Variants in ZNF529 observed in about 807,000 individuals in gnomAD.
ZNF529 encodes the protein zinc finger protein 529.
ZNF529 carries 11 observed loss-of-function variants against 10.1 expected under a neutral mutation model. That is an observed-to-expected ratio of 1.09 (90% CI 0.69 to 1.81). The LOEUF (loss-of-function observed/expected upper bound fraction) is 1.81, where lower values mean the gene tolerates loss of function less well. Among genes scored for constraint, ZNF529 ranks in the 40% most tolerant of loss-of-function variants. ZNF529 has a pLI of 0.00. For missense variants in ZNF529, 624 were observed against 666.8 expected (o/e 0.94, Z 0.71); for synonymous variants, 204 against 215.7 (o/e 0.95, Z 0.47).
chr19:36,554,286 A>T (rs2035370339), intron 4 of ZNF529, among the ~76,000 whole-genome samples: 1 of 152,212 alleles, frequency 6.6e-6, no homozygotes, highest in Admixed American at 6.5e-5. Context: ...GTTTCTTAAA[A>T]CATAGCCTTG....
intron 3 of ZNF529, 118 bp downstream of exon 3, chr19:36,555,986 G>A: frequency 1.0e-6 from 1 of 1,004,980 alleles, no homozygotes. Context: ...TTAGACTCCA[G>A]CCCTTACTAG....
chr19:36,550,441 G>A (rs2035216534), intron 4 of ZNF529, among the ~76,000 whole-genome samples: 2 of 152,164 alleles, frequency 1.3e-5, no homozygotes, highest in African/African-American at 4.8e-5. Context: ...AGCTACTTGG[G>A]AGGCTGAGGC....
rs576101835 is a variant in ZNF529 at position 36,562,170 on chromosome 19, G to A, written c.15-5973C>T. Among the ~76,000 whole-genome samples the A allele has an allele frequency of 3.9e-5, 6 of 152,088 alleles. No individual in the cohort carries two copies. In the East Asian group the frequency reaches 5.9e-4, roughly 15 times the overall value. ...GGAGAATCGCTTGAACCTGGGAGGCGGAGGTTGCGGTGAGCCGAGATCGCA... is the reference window on the plus strand; with the variant it reads ...GGAGAATCGCTTGAACCTGGGAGGCAGAGGTTGCGGTGAGCCGAGATCGCA... On this transcript the variant is annotated intron_variant, in intron 2 of 4. Transcript: ENST00000591340.
chr19:36,567,584 G>C (rs1046811360), intron 2 of ZNF529, among the ~76,000 whole-genome samples: 2 of 152,116 alleles, frequency 1.3e-5, no homozygotes, highest in South Asian at 4.1e-4. Flanking sequence ...TGGGATTACA[G>C]GTGCCTGCCA....
Position 36,572,322 on chromosome 19 carries a change from A to AC in ZNF529, c.14+10_14+11insG. The AC allele has an allele frequency of 6.4e-7, 1 of 1,551,086 alleles. No individual in the cohort carries two copies. The highest frequency in any genetic ancestry group is 8.7e-7 in the Non-Finnish European group (1 of 1,146,856). On this transcript the variant is annotated intron_variant, in intron 2 of 4. Transcript: ENST00000591340. ...AAGGGACCAGGTAAATGAACAAAAA[A>AC]AAAAACTAACCTTGAGTTGGCCATT... is the stretch of plus-strand genomic sequence containing the variant.
chr19:36,569,409 A>C (rs1463022223), intron 2 of ZNF529, among the ~76,000 whole-genome samples: 1 of 152,190 alleles, frequency 6.6e-6, no homozygotes, highest in Non-Finnish European at 1.5e-5. Context: ...GAAAGAACTA[A>C]AAAGGAAATC....
chr19:36,590,747 T>C (rs990497884), intron 1 of ZNF529, among the ~76,000 whole-genome samples: 14 of 151,882 alleles, frequency 9.2e-5, no homozygotes, highest in African/African-American at 3.4e-4. Context: ...CTGGCCAACA[T>C]GGTGAAACCC....
intron 2 of ZNF529, among the ~76,000 whole-genome samples, chr19:36,565,836 T>C (rs1355546497): frequency 6.6e-6 from 1 of 152,236 alleles, no homozygotes; most frequent in Non-Finnish European, 1.5e-5. Flanking sequence ...ACAGTCATTA[T>C]AAACCAATGT....
chr19:36,569,314 TGAA>T (rs2036009554), intron 2 of ZNF529, among the ~76,000 whole-genome samples: 1 of 151,936 alleles, frequency 6.6e-6, no homozygotes, highest in Non-Finnish European at 1.5e-5. Flanking sequence ...AAATTACACT[TGAA>T]GAAACAAAAG....
At chr19:36,558,567 A>C (rs1229745055) in intron 2 of ZNF529, among the ~76,000 whole-genome samples, 1 of 152,126 alleles carries the variant, frequency 6.6e-6, no homozygotes, top group East Asian at 1.9e-4. Flanking sequence ...TTCAACCCAG[A>C]ATCCTAAATC....
At chr19:36,556,028 T>C in intron 3 of ZNF529, 76 bp downstream of exon 3, 1 of 1,458,618 alleles carries the variant, frequency 6.9e-7, no homozygotes, top group African/African-American at 1.4e-5. Context: ...GTGGTACAGG[T>C]TCTTTGACAG....
intron 2 of ZNF529, among the ~76,000 whole-genome samples, chr19:36,564,509 T>C (rs2035824140): frequency 6.6e-6 from 1 of 152,150 alleles, no homozygotes; most frequent in Non-Finnish European, 1.5e-5. Flanking sequence ...CCCACACCAC[T>C]AATCATCAGA....
intron 2 of ZNF529, among the ~76,000 whole-genome samples, chr19:36,556,637 C>G (rs1262050344): frequency 1.3e-5 from 2 of 152,176 alleles, no homozygotes; most frequent in African/African-American, 4.8e-5. Flanking sequence ...TCCTGGCTCC[C>G]GGGGCAAGTG....
At chr19:36,602,975 C>G (rs1015513443) in intron 1 of ZNF529, among the ~76,000 whole-genome samples, 49 of 151,032 alleles carry the variant, frequency 3.2e-4, no homozygotes, top group Admixed American at 5.9e-4. Flanking sequence ...AAACCTCATG[C>G]AAGAACTAGC....
At chr19:36,591,497 A>C (rs1330458004) in intron 1 of ZNF529, among the ~76,000 whole-genome samples, 2 of 151,604 alleles carry the variant, frequency 1.3e-5, no homozygotes, top group Non-Finnish European at 2.9e-5. Context: ...AGGCGGGCGG[A>C]TCACAAGGTC....
At chr19:36,601,545 G>T (rs2145296877) in intron 1 of ZNF529, among the ~76,000 whole-genome samples, 1 of 152,106 alleles carries the variant, frequency 6.6e-6, no homozygotes, top group South Asian at 2.1e-4. Flanking sequence ...TATTTTCATT[G>T]CACCTTATAT....
chr19:36,591,197 G>A (rs2036703015), intron 1 of ZNF529, among the ~76,000 whole-genome samples: 1 of 151,246 alleles, frequency 6.6e-6, no homozygotes, highest in Admixed American at 6.6e-5. Flanking sequence ...TACTCGGGAG[G>A]CTGAGGCAGG....
At chr19:36,577,479 A>G (rs2036353271), upstream of ZNF529, 1 of 158,884 alleles carries the variant, frequency 6.3e-6, no homozygotes, top group Non-Finnish European at 1.4e-5. Context: ...AAGATAAGAC[A>G]GAAGATTGTA....
At chr19:36,579,182 CAG>C (rs1478163877) in intron 2 of ZNF529, among the ~76,000 whole-genome samples, 2 of 149,300 alleles carry the variant, frequency 1.3e-5, no homozygotes, top group African/African-American at 2.5e-5. Context: ...GCCTGGGAGA[CAG>C]AGTGAGACTC....
Sources: gnomAD v4.1 joint callset for allele counts (sites outside exome capture counted in the v4.1 genomes callset) on GRCh38, gnomAD v4.1.1 for gene constraint, MANE v1.5 for transcripts, NCBI Gene and HGNC (gene_info 2026-07-23, HGNC 2026-07-21) for gene names.